The following HBS1L variants were observed in gnomAD, a reference collection of about 807,000 sequenced individuals.
HBS1L encodes the protein HBS1 like translational GTPase.
A neutral mutation model predicts 88.9 loss-of-function variants in HBS1L; 55 were observed. That is an observed-to-expected ratio of 0.62 (90% CI 0.50 to 0.77). The LOEUF (loss-of-function observed/expected upper bound fraction) is 0.77. Among genes scored for constraint, HBS1L ranks in the 30% least tolerant of loss-of-function variants. HBS1L has a pLI of 0.00. For synonymous variants in HBS1L, 267 were observed against 288.5 expected, an observed-to-expected ratio of 0.93 and a Z score of 0.76; for missense variants, 741 against 829.3, an observed-to-expected ratio of 0.89 and a Z score of 1.31.
At chr6:134,965,408 G>T in intron 17 of HBS1L, 118 bp from the exon 18 acceptor site, 1 of 698,458 alleles carries the variant, frequency 1.4e-6, no homozygotes, top group Non-Finnish European at 2.4e-6. Context: ...CTTTTTCTTT[G>T]TCCTGCAACT....
intron 8 of HBS1L, among the ~76,000 whole-genome samples, chr6:134,990,151 G>A (rs1404285431): frequency 6.6e-6 from 1 of 152,160 alleles, no homozygotes; most frequent in African/African-American, 2.4e-5. Context: ...GGCCACAAAT[G>A]TTCTACCTAA....
At position 134,963,603 on chromosome 6, in the gene HBS1L, G is replaced by A. The variant is rs1774234087; in HGVS notation, c.*1676C>T. 6.6e-6 allele frequency: 1 copy of A among 152,134 alleles called. No individual in the cohort carries two copies. Among genetic ancestry groups the A allele is most frequent in the Admixed American group, 6.5e-5 (1 of 15,276 alleles). The allele number at this position is 152,134 out of a possible 1,614,324, so 9.4% of individuals were successfully genotyped here. On this transcript the variant is annotated 3_prime_UTR_variant, in exon 18 of 18. Transcript: ENST00000367837. ...GCTGATCTGTTTTTAAATTTTTTCT[G>A]TAGAGACATGGTCTCACTATATTGC...
At chr6:134,985,319 G>T in intron 12 of HBS1L, 22 bp downstream of exon 12, 2 of 1,522,172 alleles carry the variant, frequency 1.3e-6, no homozygotes, top group Non-Finnish European at 1.8e-6. Context: ...TACTGAAGAA[G>T]CACTACAAAG....
intron 15 of HBS1L, among the ~76,000 whole-genome samples, chr6:134,976,633 A>G (rs538779058): frequency 3.9e-5 from 6 of 152,212 alleles, no homozygotes; most frequent in African/African-American, 1.4e-4. Flanking sequence ...ATATTATTCT[A>G]AGAGAAGTAA....
At chr6:134,990,864 T>C (rs1036049174) in intron 8 of HBS1L, among the ~76,000 whole-genome samples, 1 of 152,138 alleles carries the variant, frequency 6.6e-6, no homozygotes, top group Admixed American at 6.5e-5. Flanking sequence ...GAATAAACGA[T>C]CTTTATAATA....
chr6:134,993,510 T>C (rs1001017609), intron 8 of HBS1L, among the ~76,000 whole-genome samples: 5 of 152,164 alleles, frequency 3.3e-5, no homozygotes, highest in African/African-American at 7.2e-5. Context: ...CCATTACTTT[T>C]ACGATAAAGA....
chr6:135,022,039 C>T (rs544577232), intron 4 of HBS1L, among the ~76,000 whole-genome samples: 14 of 152,212 alleles, frequency 9.2e-5, no homozygotes, highest in African/African-American at 1.7e-4. Flanking sequence ...TAGCCCCTTA[C>T]GAGCTACTCT....
In HBS1L at chr6:134,995,107, A is replaced by G. The variant is rs563013723; in HGVS notation, c.966-1232T>C. ...TTCCCAAATACTCTAGGGACCACAGACACCTTCAGAGTAATGGTGAACTAA... is the reference window on the plus strand; with the variant it reads ...TTCCCAAATACTCTAGGGACCACAGGCACCTTCAGAGTAATGGTGAACTAA... On this transcript the variant is annotated intron_variant, in intron 7 of 17. Coordinates refer to ENST00000367837, the MANE Select transcript of HBS1L (RefSeq NM_006620.4). Among the ~76,000 whole-genome samples, 5 of 152,148 alleles carry G rather than the reference A, an allele frequency of 3.3e-5. No individual in the cohort carries two copies. In the South Asian group the frequency reaches 1.0e-3, roughly 32 times the overall value.
At chr6:135,018,771 A>C (rs528987789) in intron 4 of HBS1L, among the ~76,000 whole-genome samples, 2 of 151,956 alleles carry the variant, frequency 1.3e-5, no homozygotes, top group Admixed American at 1.3e-4. Context: ...CCTTCAAAAA[A>C]TAACAAGGAA....
intron 4 of HBS1L, among the ~76,000 whole-genome samples, chr6:135,009,071 T>C (rs1775694508): frequency 6.6e-6 from 1 of 152,156 alleles, no homozygotes. Flanking sequence ...AAAGCCAACA[T>C]GGCACTCTCA....
At chr6:135,012,573 A>G (rs556035427) in intron 4 of HBS1L, among the ~76,000 whole-genome samples, 2 of 152,278 alleles carry the variant, frequency 1.3e-5, no homozygotes, top group South Asian at 2.1e-4. Flanking sequence ...AGCTAATAAA[A>G]TATACTCTGT....
intron 4 of HBS1L, among the ~76,000 whole-genome samples, chr6:135,014,461 C>T (rs955360456): frequency 5.3e-5 from 8 of 151,716 alleles, no homozygotes; most frequent in African/African-American, 9.7e-5. Context: ...ATGAACAGTA[C>T]GATAAGATGA....
At chr6:134,983,172 G>C (rs1013627450) in intron 12 of HBS1L, 1 of 152,042 alleles carries the variant, frequency 6.6e-6, no homozygotes. Flanking sequence ...CATGGGGAGG[G>C]GACCATATAG....
At chr6:134,969,785 A>G (rs9376073) in intron 15 of HBS1L, among the ~76,000 whole-genome samples, 19,807 of 152,120 alleles carry the variant, frequency 0.13, 1,567 homozygotes, top group East Asian at 0.27. Context: ...CAAGTGTAAA[A>G]TAAGTAGGCT....
At chr6:135,026,294 T>C (rs534999058) in intron 4 of HBS1L, among the ~76,000 whole-genome samples, 2 of 152,260 alleles carry the variant, frequency 1.3e-5, no homozygotes, top group South Asian at 4.1e-4. Context: ...AAGGGGTAAA[T>C]TGTAAATGTT....
chr6:134,977,362 C>G (rs1774677678), intron 15 of HBS1L, among the ~76,000 whole-genome samples: 1 of 152,004 alleles, frequency 6.6e-6, no homozygotes, highest in Admixed American at 6.6e-5. Context: ...CCAACCCCTC[C>G]TTTGCCTCAT....
chr6:134,991,236 A>C (rs1168282327), intron 8 of HBS1L, among the ~76,000 whole-genome samples: 2 of 152,184 alleles, frequency 1.3e-5, no homozygotes, highest in African/African-American at 4.8e-5. Flanking sequence ...CCCTTATACA[A>C]AACAGGGTAG....
At chr6:134,979,351 G>A in intron 13 of HBS1L, 83 bp from the exon 14 acceptor site, 1 of 932,314 alleles carries the variant, frequency 1.1e-6, no homozygotes, top group Non-Finnish European at 1.7e-6. Flanking sequence ...GCTGATTTGT[G>A]CTTCATCAGT....
chr6:134,997,729 G>T, intron 5 of HBS1L, 73 bp from the exon 6 acceptor site: 1 of 1,372,970 alleles, frequency 7.3e-7, no homozygotes, highest in Non-Finnish European at 1.0e-6. Flanking sequence ...GAAGGGCAGA[G>T]AAACTGTTTC....
Sources: gnomAD v4.1 joint callset for allele counts (sites outside exome capture counted in the v4.1 genomes callset) on GRCh38, gnomAD v4.1.1 for gene constraint, MANE v1.5 for transcripts, NCBI Gene and HGNC (gene_info 2026-07-23, HGNC 2026-07-21) for gene names.